THNSL1: variants seen among roughly 807,000 people sequenced by gnomAD.
THNSL1 encodes threonine synthase-like 1.
THNSL1 carries 48 observed loss-of-function variants against 50.4 expected under a neutral mutation model. The ratio of observed to expected loss-of-function variants is 0.95; its 90% confidence interval spans 0.76 to 1.21. The LOEUF (loss-of-function observed/expected upper bound fraction) is 1.21, where lower values mean the gene tolerates loss of function less well. Ranked by LOEUF, THNSL1 falls within the 50% of genes most tolerant of loss-of-function variation. THNSL1 has a pLI of 0.00. For missense variants in THNSL1, 896 were observed against 871.7 expected (o/e 1.03, Z -0.35); for synonymous variants, 309 against 306.1 (o/e 1.01, Z -0.10).
At chr10:25,003,943 C>T in the THNSL1 span, among the ~76,000 whole-genome samples, 1,818 of 152,280 alleles carry the variant, frequency 0.012, 30 homozygotes, top group African/African-American at 0.041. Context: ...TTTCATGTTC[C>T]TGTGTTAGTT....
At position 25,025,360 on chromosome 10, in the gene THNSL1, A is replaced by C; in HGVS notation, c.2137A>C (p.Lys713Gln). 6.2e-7 allele frequency: 1 copy of C among 1,614,236 alleles called. No homozygotes were observed. The highest frequency in any genetic ancestry group is 8.5e-7 in the Non-Finnish European group (1 of 1,180,038). ...PLHEALLERT[K>Q]QQEKMEYQVC... ...GCATGAGGCTTTATTAGAGAGAACA[A>C]AACAGCAAGAGAAGATGGAGTACCA... Residue 713 changes from lysine (K) to glutamine (Q), a missense_variant, in exon 3 of 3, where the codon AAA becomes CAA. Coordinates refer to ENST00000376356, the MANE Select transcript of THNSL1 (RefSeq NM_024838.5).
chr10:24,979,628 C>G, the THNSL1 span, among the ~76,000 whole-genome samples: 1 of 152,162 alleles, frequency 6.6e-6, no homozygotes, highest in African/African-American at 2.4e-5. Flanking sequence ...TCATTGCCTT[C>G]TCACTTTGTC....
the THNSL1 span, among the ~76,000 whole-genome samples, chr10:25,002,807 C>T: frequency 1.3e-5 from 2 of 152,022 alleles, no homozygotes; most frequent in African/African-American, 2.4e-5. Flanking sequence ...ACTGAATGAG[C>T]TCATTAGATA....
At chr10:24,997,141 G>C in the THNSL1 span, among the ~76,000 whole-genome samples, 1 of 152,162 alleles carries the variant, frequency 6.6e-6, no homozygotes, top group Non-Finnish European at 1.5e-5. Flanking sequence ...TTGAAGCCAG[G>C]AGTGTGAGGC....
rs552883423 is a variant in THNSL1 at position 25,021,385 on chromosome 10, A to G, written c.-215-357A>G. Among the ~76,000 whole-genome samples, 21 of 152,344 alleles carry G rather than the reference A, an allele frequency of 1.4e-4. No homozygotes were observed. The South Asian group carries it at 1.7e-3, about 12-fold the overall frequency. On this transcript the variant is annotated intron_variant, in intron 1 of 2. Transcript: ENST00000376356. ...TAGCCTAAAAAACAACTCAGACACT[A>G]ATTTCATAGCTTTAGTCTGCTGACT...
At chr10:24,962,954 G>T in the THNSL1 span, among the ~76,000 whole-genome samples, 2 of 152,126 alleles carry the variant, frequency 1.3e-5, no homozygotes, top group Admixed American at 6.6e-5. Context: ...TTAAATTAAG[G>T]CAATTCAAAG....
At chr10:24,958,545 T>G in the THNSL1 span, among the ~76,000 whole-genome samples, 1 of 152,206 alleles carries the variant, frequency 6.6e-6, no homozygotes, top group Non-Finnish European at 1.5e-5. Context: ...AAAGGCCTCA[T>G]TAGTATTCAA....
the THNSL1 span, among the ~76,000 whole-genome samples, chr10:24,962,942 C>G: frequency 6.6e-6 from 1 of 152,196 alleles, no homozygotes; most frequent in Non-Finnish European, 1.5e-5. Context: ...TTTCAACACA[C>G]TTTAAATTAA....
rs745450253 is a variant in THNSL1 at position 25,024,457 on chromosome 10, G to T, written c.1234G>T (p.Val412Leu). 6 of 1,614,058 alleles carry T rather than the reference G, an allele frequency of 3.7e-6. No individual in the cohort carries two copies. Among genetic ancestry groups the T allele is most frequent in the African/African-American group, 2.7e-5 (2 of 74,948 alleles). The change falls in exon 3 of 3, where the codon GTA (valine) becomes TTA (leucine). Residue 412 changes from valine (V) to leucine (L), a missense_variant. Transcript: ENST00000376356. Reference protein sequence around the residue: ...AVVAFFPENGVSDFQKAQIIG... With the variant: ...AVVAFFPENGLSDFQKAQIIG... ...GGTTGCATTTTTTCCTGAGAATGGAGTAAGTGATTTTCAAAAAGCACAAAT... is the reference window on the plus strand; with the variant it reads ...GGTTGCATTTTTTCCTGAGAATGGATTAAGTGATTTTCAAAAAGCACAAAT...
the THNSL1 span, among the ~76,000 whole-genome samples, chr10:24,957,690 A>G: frequency 6.6e-6 from 1 of 152,156 alleles, no homozygotes; most frequent in East Asian, 1.9e-4. Flanking sequence ...CACATTGGCC[A>G]GGCTGGTCTC....
the THNSL1 span, chr10:24,984,587 ATTC>A: frequency 1.9e-6 from 2 of 1,027,168 alleles, no homozygotes; most frequent in Admixed American, 3.0e-5. Context: ...TAACTCAATT[ATTC>A]TTTGCATATT....
At chr10:24,995,568 T>C in the THNSL1 span, 1 of 1,269,256 alleles carries the variant, frequency 7.9e-7, no homozygotes, top group Non-Finnish European at 1.1e-6. Context: ...CTAATAATGA[T>C]AACATAGATG....
chr10:24,969,005 T>A, the THNSL1 span, among the ~76,000 whole-genome samples: 3 of 152,238 alleles, frequency 2.0e-5, no homozygotes, highest in African/African-American at 7.2e-5. Flanking sequence ...GTGATTCTTC[T>A]GTCTCAGCCT....
chr10:25,025,342 G>C lies in THNSL1; in HGVS notation c.2119G>C (p.Ala707Pro), dbSNP rs922719153. The change falls in exon 3 of 3, where the codon GCT (alanine) becomes CCT (proline). Residue 707 changes from alanine to proline, a missense_variant. Coordinates refer to ENST00000376356, the MANE Select transcript of THNSL1 (RefSeq NM_024838.5). ...SYNALPPLHE[A>P]LLERTKQQEK... is the part of the protein sequence containing the mutation. ...CAATGCATTACCTCCACTGCATGAGGCTTTATTAGAGAGAACAAAACAGCA... is the reference window on the plus strand; with the variant it reads ...CAATGCATTACCTCCACTGCATGAGCCTTTATTAGAGAGAACAAAACAGCA... The C allele has an allele frequency of 5.0e-6, 8 of 1,614,192 alleles. No homozygotes were observed. Among genetic ancestry groups the C allele is most frequent in the East Asian group, 2.2e-5 (1 of 44,880 alleles).
At chr10:24,988,268 A>T in the THNSL1 span, among the ~76,000 whole-genome samples, 1 of 145,300 alleles carries the variant, frequency 6.9e-6, no homozygotes, top group Non-Finnish European at 1.5e-5. Context: ...ATATATATTT[A>T]TATATATGTG....
the THNSL1 span, among the ~76,000 whole-genome samples, chr10:25,001,338 T>C: frequency 6.6e-6 from 1 of 151,988 alleles, no homozygotes; most frequent in African/African-American, 2.4e-5. Context: ...TATTAATAGT[T>C]TTAATAAATT....
At chr10:24,969,378 A>G in the THNSL1 span, among the ~76,000 whole-genome samples, 1 of 152,228 alleles carries the variant, frequency 6.6e-6, no homozygotes, top group African/African-American at 2.4e-5. Context: ...CCATCACAGA[A>G]CTACAGAATC....
chr10:25,010,859 G>C, the THNSL1 span, among the ~76,000 whole-genome samples: 19 of 151,362 alleles, frequency 1.3e-4, no homozygotes, highest in African/African-American at 4.6e-4. Context: ...GGACATTTGG[G>C]TTGGTTCCAA....
At chr10:24,981,204 T>TCA in the THNSL1 span, among the ~76,000 whole-genome samples, 1 of 152,234 alleles carries the variant, frequency 6.6e-6, no homozygotes, top group African/African-American at 2.4e-5. Flanking sequence ...CTGAGAACAG[T>TCA]GACGCATGGG....
Sources: gnomAD v4.1 joint callset for allele counts (sites outside exome capture counted in the v4.1 genomes callset) on GRCh38, gnomAD v4.1.1 for gene constraint, MANE v1.5 for transcripts, NCBI Gene and HGNC (gene_info 2026-07-23, HGNC 2026-07-21) for gene names.